Variants in STK39 observed in about 807,000 individuals in gnomAD.
STK39 encodes serine/threonine kinase 39, also known as STE20/SPS1-related proline-alanine-rich protein kinase.
A neutral mutation model predicts 77.8 loss-of-function variants in STK39; 20 were observed. That is an observed-to-expected ratio of 0.26 (90% CI 0.18 to 0.37). The LOEUF (loss-of-function observed/expected upper bound fraction) is 0.37, where lower values mean the gene tolerates loss of function less well. Among genes scored for constraint, STK39 ranks in the 10% least tolerant of loss-of-function variants. STK39 has a pLI of 1.00. For missense variants in STK39, 479 were observed against 656.5 expected, an observed-to-expected ratio of 0.73 and a Z score of 2.95; for synonymous variants, 246 against 234.1, an observed-to-expected ratio of 1.05 and a Z score of -0.47.
intron 1 of STK39, among the ~76,000 whole-genome samples, chr2:168,195,383 G>C (rs544154782): frequency 5.3e-5 from 8 of 151,720 alleles, no homozygotes; most frequent in Non-Finnish European, 1.2e-4. Context: ...CTGGGCAACA[G>C]AGCAAGACCA....
intron 5 of STK39, among the ~76,000 whole-genome samples, chr2:168,143,081 A>G (rs1688037393): frequency 1.3e-5 from 2 of 152,198 alleles, no homozygotes; most frequent in African/African-American, 4.8e-5. Flanking sequence ...GTACAAAACC[A>G]CAGACATTTC....
chr2:168,242,098 T>C (rs1004679417), intron 1 of STK39, among the ~76,000 whole-genome samples: 1 of 152,178 alleles, frequency 6.6e-6, no homozygotes, highest in Non-Finnish European at 1.5e-5. Flanking sequence ...AGGATTGCAG[T>C]CACTTTACCA....
At chr2:168,025,293 G>A (rs1358292814) in intron 14 of STK39, among the ~76,000 whole-genome samples, 1 of 152,086 alleles carries the variant, frequency 6.6e-6, no homozygotes, top group Non-Finnish European at 1.5e-5. Context: ...TGTCCAAAAA[G>A]ACACCAAAAG....
intron 2 of STK39, among the ~76,000 whole-genome samples, chr2:168,174,149 G>A (rs755875477): frequency 6.6e-6 from 1 of 152,184 alleles, no homozygotes; most frequent in African/African-American, 2.4e-5. Flanking sequence ...AAGAAATCAG[G>A]AAAAGGAAAG....
At chr2:168,027,988 A>G (rs1467209544) in intron 14 of STK39, among the ~76,000 whole-genome samples, 1 of 152,326 alleles carries the variant, frequency 6.6e-6, no homozygotes, top group African/African-American at 2.4e-5. Context: ...GCTACGAAAA[A>G]GAGTTTTCAT....
chr2:167,956,737 G>GT (rs1691795749), intron 17 of STK39, among the ~76,000 whole-genome samples: 1 of 76,240 alleles, frequency 1.3e-5, no homozygotes, highest in Non-Finnish European at 2.6e-5. Flanking sequence ...CTCCCCCCCC[G>GT]CCCCCTCAGA....
chr2:168,153,870 T>G (rs1441031576), intron 5 of STK39, among the ~76,000 whole-genome samples: 1 of 152,128 alleles, frequency 6.6e-6, no homozygotes, highest in Non-Finnish European at 1.5e-5. Flanking sequence ...CGAGCCACCT[T>G]AAGGATTTTG....
intron 2 of STK39, among the ~76,000 whole-genome samples, chr2:168,170,718 G>T (rs1032445992): frequency 6.6e-6 from 1 of 152,202 alleles, no homozygotes; most frequent in Non-Finnish European, 1.5e-5. Context: ...CTGCAAGGAA[G>T]CCGACAGTGT....
chr2:168,073,298 C>T (rs1374352618), intron 12 of STK39, among the ~76,000 whole-genome samples: 1 of 152,200 alleles, frequency 6.6e-6, no homozygotes, highest in Admixed American at 6.5e-5. Context: ...GCCTTACTAG[C>T]AAGGCAGGAT....
intron 1 of STK39, among the ~76,000 whole-genome samples, chr2:168,227,806 C>T (rs1455695837): frequency 1.3e-5 from 2 of 152,128 alleles, no homozygotes; most frequent in Non-Finnish European, 2.9e-5. Flanking sequence ...TACAGGCACC[C>T]ACCACCACTC....
At position 168,063,401 on chromosome 2, in the gene STK39, G is replaced by A. The variant is rs187335241; in HGVS notation, c.1376+99C>T. On this transcript the variant is annotated intron_variant, in intron 14 of 17. Transcript: ENST00000355999. The stretch of plus-strand genomic sequence containing the variant: ...GTTCGGGGAAATCAAATAAGCTAAC[G>A]ATTCTATTTTATGCTAATATTATGA... The A allele has an allele frequency of 1.7e-5, 18 of 1,081,944 alleles. No homozygotes were observed. The Admixed American group carries it at 3.3e-4, about 20-fold the overall frequency. The allele number at this position is 1,081,944 out of a possible 1,614,324, so 67.0% of individuals were successfully genotyped here. A position where few individuals can be genotyped will look rare whatever the true frequency, so the allele number is the denominator to read the frequency against.
At chr2:168,172,738 A>G (rs1476501830) in intron 2 of STK39, among the ~76,000 whole-genome samples, 1 of 152,194 alleles carries the variant, frequency 6.6e-6, no homozygotes, top group African/African-American at 2.4e-5. Flanking sequence ...GTATTTTACA[A>G]CTTATGTAAA....
In STK39 at chr2:168,060,227, C is replaced by T. The variant is rs533394626; in HGVS notation, c.1376+3273G>A. On this transcript the variant is annotated intron_variant, in intron 14 of 17. Transcript: ENST00000355999. ...AAATAACTAGCTTGTAAATATTTAG[C>T]GAAAAAAAAAGTACACCAACTGCTA... Among the ~76,000 whole-genome samples, 7 of 151,214 alleles carry T rather than the reference C, an allele frequency of 4.6e-5. No homozygotes were observed. The South Asian group carries it at 6.3e-4, about 14-fold the overall frequency.
At chr2:168,029,224 A>T (rs1174173505) in intron 14 of STK39, among the ~76,000 whole-genome samples, 3 of 152,224 alleles carry the variant, frequency 2.0e-5, no homozygotes, top group African/African-American at 4.8e-5. Context: ...CAGTTACTCC[A>T]ACTGAGCACC....
At chr2:168,165,553 C>T (rs1348753441) in intron 3 of STK39, among the ~76,000 whole-genome samples, 1 of 152,102 alleles carries the variant, frequency 6.6e-6, no homozygotes, top group East Asian at 1.9e-4. Flanking sequence ...TACTGCAGTC[C>T]AGCTCTGGCA....
chr2:168,117,827 A>G (rs1354849184), intron 10 of STK39, among the ~76,000 whole-genome samples: 1 of 152,130 alleles, frequency 6.6e-6, no homozygotes. Flanking sequence ...CTTACCTCCA[A>G]GTGATGTGCA....
At chr2:168,013,840 G>C (rs1265012311) in intron 15 of STK39, among the ~76,000 whole-genome samples, 1 of 141,084 alleles carries the variant, frequency 7.1e-6, no homozygotes, top group Non-Finnish European at 1.6e-5. Flanking sequence ...GTGTGTATGT[G>C]TTTGCATATG....
intron 1 of STK39, among the ~76,000 whole-genome samples, chr2:168,216,437 C>G (rs372320498): frequency 6.6e-6 from 1 of 152,184 alleles, no homozygotes; most frequent in African/African-American, 2.4e-5. Flanking sequence ...TCCTAATTTA[C>G]GACTTAGCAG....
In STK39 at chr2:168,140,725, C is replaced by T. The variant is rs200906112; in HGVS notation, c.662G>A (p.Gly221Asp). 6.2e-7 allele frequency: 1 copy of T among 1,609,648 alleles called. No homozygotes were observed. Residue 221 changes from glycine to aspartate, a missense_variant, in exon 6 of 18, where the codon GGT (glycine) becomes GAT (aspartate). Transcript: ENST00000355999. ...TCTTACTTTATTTCGGGTAACATCA[C>T]CCCCTGTTGCTAGGAACGCACTTAC... is the stretch of plus-strand genomic sequence containing the variant. ...FGVSAFLATG[G>D]DVTRNKVRKT...
Sources: gnomAD v4.1 joint callset for allele counts (sites outside exome capture counted in the v4.1 genomes callset) on GRCh38, gnomAD v4.1.1 for gene constraint, MANE v1.5 for transcripts, NCBI Gene and HGNC (gene_info 2026-07-23, HGNC 2026-07-21) for gene names.